SLC2A9: variants seen among roughly 807,000 people sequenced by gnomAD.
SLC2A9 encodes solute carrier family 2 member 9.
Under a neutral mutation model 50.6 loss-of-function variants are expected in SLC2A9, and 39 were observed. That is an observed-to-expected ratio of 0.77 (90% CI 0.60 to 1.01). SLC2A9 has a LOEUF of 1.01. Ranked by LOEUF, SLC2A9 falls within the 50% of genes least tolerant of loss-of-function variation. SLC2A9 has a pLI of 0.00. For synonymous variants in SLC2A9, 324 were observed against 276.9 expected (o/e 1.17, Z -1.69); for missense variants, 686 against 677.6 (o/e 1.01, Z -0.14).
chr4:9,869,924 A>G (rs1417207599), intron 10 of SLC2A9, among the ~76,000 whole-genome samples: 1 of 152,250 alleles, frequency 6.6e-6, no homozygotes, highest in Admixed American at 6.5e-5. Context: ...ACATATGATT[A>G]GGTTAAGGAT....
At chr4:9,786,212 G>A (rs116142041) in intron 3 of SLC2A9, among the ~76,000 whole-genome samples, 2,755 of 152,276 alleles carry the variant, frequency 0.018, 35 homozygotes, top group Non-Finnish European at 0.028. Flanking sequence ...TTTGACTCTC[G>A]CTGCCCTGTG....
rs1200962321 is a variant in SLC2A9 at position 9,851,665 on chromosome 4, C to G, written c.1292-16657G>C. On this transcript the variant is annotated intron_variant, in intron 10 of 11. Transcript: ENST00000264784. The stretch of plus-strand genomic sequence containing the variant: ...GGGAGAGTCAAAACCCCCAAGGAAT[C>G]TAAGGAATTCAATAAAACAATACAG... Among the ~76,000 whole-genome samples the G allele has an allele frequency of 2.0e-5, 3 of 152,050 alleles. No individual in the cohort carries two copies. In the East Asian group the frequency reaches 5.8e-4, roughly 29 times the overall value.
chr4:9,951,801 T>G (rs111282854), intron 5 of SLC2A9, among the ~76,000 whole-genome samples: 2 of 152,268 alleles, frequency 1.3e-5, no homozygotes, highest in African/African-American at 4.8e-5. Context: ...GTTTTTGATA[T>G]GGAATCTTTA....
chr4:9,863,358 G>T (rs1731956210), intron 10 of SLC2A9, among the ~76,000 whole-genome samples: 1 of 151,920 alleles, frequency 6.6e-6, no homozygotes, highest in Non-Finnish European at 1.5e-5. Flanking sequence ...CATTGCCTAG[G>T]TTGGTCTTGA....
chr4:9,828,712 G>A (rs1725539140), intron 11 of SLC2A9, among the ~76,000 whole-genome samples: 1 of 152,176 alleles, frequency 6.6e-6, no homozygotes, highest in South Asian at 2.1e-4. Flanking sequence ...TTTTCTCAGA[G>A]AGGTTCTCGT....
chr4:9,980,285 A>T lies in SLC2A9; in HGVS notation c.681+307T>A, dbSNP rs116839315. Among the ~76,000 whole-genome samples the T allele has an allele frequency of 7.8e-3, 1,187 of 152,320 alleles. 12 individuals carry two copies. Among genetic ancestry groups the T allele is most frequent in the Middle Eastern group, 0.027 (8 of 294 alleles). On this transcript the variant is annotated intron_variant, in intron 5 of 11. Transcript: ENST00000264784. Reference sequence around the variant, plus strand: ...CATAATTCCATCAAAGCCACAATAAACTATATATGTTTATATAGGTTTTTA... The same window carrying T: ...CATAATTCCATCAAAGCCACAATAATCTATATATGTTTATATAGGTTTTTA...
chr4:9,998,097 T>C (rs550379439), intron 2 of SLC2A9, among the ~76,000 whole-genome samples: 21 of 152,318 alleles, frequency 1.4e-4, no homozygotes, highest in African/African-American at 4.8e-4. Context: ...TCACATTCAC[T>C]AGAGTCTCAT....
chr4:9,960,467 G>A (rs1205663524), intron 5 of SLC2A9, among the ~76,000 whole-genome samples: 1 of 152,190 alleles, frequency 6.6e-6, no homozygotes, highest in African/African-American at 2.4e-5. Flanking sequence ...AACAGGAGTG[G>A]CCCAGCCCCT....
intron 10 of SLC2A9, among the ~76,000 whole-genome samples, chr4:9,869,746 G>T (rs1233688487): frequency 6.6e-6 from 1 of 152,198 alleles, no homozygotes; most frequent in African/African-American, 2.4e-5. Flanking sequence ...AATAGACTAG[G>T]ATCTAACTTG....
chr4:10,032,282 A>T (rs1423836346), intron 1 of SLC2A9, among the ~76,000 whole-genome samples: 1 of 151,716 alleles, frequency 6.6e-6, no homozygotes, highest in East Asian at 1.9e-4. Context: ...ACATCTGTAG[A>T]TGTGGGGTTG....
intron 2 of SLC2A9, among the ~76,000 whole-genome samples, chr4:9,997,145 A>AT (rs1214038103): frequency 9.2e-5 from 14 of 151,886 alleles, no homozygotes; most frequent in African/African-American, 2.7e-4. Context: ...TCAAATGAGC[A>AT]TTTTTTTTCT....
chr4:9,920,261 A>T, intron 7 of SLC2A9, 124 bp downstream of exon 7: 1 of 993,450 alleles, frequency 1.0e-6, no homozygotes, highest in Non-Finnish European at 1.5e-6. Context: ...ACCTAACAGC[A>T]TAGAGTTTGT....
chr4:9,855,859 G>A (rs1244084294), intron 10 of SLC2A9, among the ~76,000 whole-genome samples: 2 of 152,116 alleles, frequency 1.3e-5, no homozygotes, highest in Non-Finnish European at 2.9e-5. Flanking sequence ...CAAGCAATGG[G>A]GAAAGGACTT....
intron 3 of SLC2A9, among the ~76,000 whole-genome samples, chr4:9,802,007 G>A (rs376149070): frequency 6.6e-5 from 10 of 152,174 alleles, no homozygotes; most frequent in South Asian, 4.1e-4. Flanking sequence ...GGGCTGCAGC[G>A]CTGGGAGCTC....
At chr4:9,892,467 A>G (rs1737680728) in intron 8 of SLC2A9, among the ~76,000 whole-genome samples, 2 of 152,302 alleles carry the variant, frequency 1.3e-5, no homozygotes, top group South Asian at 4.1e-4. Context: ...GGCCCAGTGG[A>G]ACAGAGCACA....
In SLC2A9 at chr4:9,977,649, C is replaced by T. The variant is rs566319093; in HGVS notation, c.681+2943G>A. 3.3e-5 allele frequency among the ~76,000 whole-genome samples: 5 copies of T among 151,672 alleles called. No individual in the cohort carries two copies. In the South Asian group the frequency reaches 1.0e-3, roughly 32 times the overall value. On this transcript the variant is annotated intron_variant, in intron 5 of 11. Transcript: ENST00000264784. ...TCTTACCTCTGGCTAGAACTCCCCG[C>T]CCCCATTGCCTCTCTCTTCCTACAG...
chr4:9,892,096 C>T (rs1157720888), intron 8 of SLC2A9, among the ~76,000 whole-genome samples: 1 of 152,204 alleles, frequency 6.6e-6, no homozygotes, highest in Non-Finnish European at 1.5e-5. Context: ...GGTGAGAAGC[C>T]GTCTAGGCAA....
intron 2 of SLC2A9, among the ~76,000 whole-genome samples, chr4:10,004,349 G>A (rs1760393538): frequency 6.6e-6 from 1 of 152,130 alleles, no homozygotes; most frequent in Admixed American, 6.5e-5. Flanking sequence ...CATACTGCCA[G>A]GCCACCTTAC....
intron 1 of SLC2A9, among the ~76,000 whole-genome samples, chr4:10,020,822 G>A (rs1379705879): frequency 6.6e-6 from 1 of 152,134 alleles, no homozygotes; most frequent in Non-Finnish European, 1.5e-5. Context: ...GCTGGTGAAG[G>A]GCAGGTGGGG....
Sources: gnomAD v4.1 joint callset for allele counts (sites outside exome capture counted in the v4.1 genomes callset) on GRCh38, gnomAD v4.1.1 for gene constraint, MANE v1.5 for transcripts, NCBI Gene and HGNC (gene_info 2026-07-23, HGNC 2026-07-21) for gene names.